Variants in RBFOX2 observed in about 807,000 individuals in gnomAD.
RBFOX2 encodes the protein RNA binding fox-1 homolog 2, also known as RNA binding protein fox-1 homolog 2.
In RBFOX2, 10 loss-of-function variants were observed where a neutral mutation model predicts 49.1. That is an observed-to-expected ratio of 0.20 (90% confidence interval 0.13 to 0.35). The LOEUF (loss-of-function observed/expected upper bound fraction) is 0.35. Ranked by LOEUF, RBFOX2 falls within the 10% of genes least tolerant of loss-of-function variation. The pLI is 1.00. For synonymous variants in RBFOX2, 183 were observed against 187.4 expected, an observed-to-expected ratio of 0.98 and a Z score of 0.19; for missense variants, 323 against 486.9, an observed-to-expected ratio of 0.66 and a Z score of 3.17.
chr22:35,959,370 CT>C (rs1332267521), intron 1 of RBFOX2, among the ~76,000 whole-genome samples: 2 of 152,142 alleles, frequency 1.3e-5, no homozygotes, highest in Non-Finnish European at 2.9e-5. Context: ...GCATTTACCC[CT>C]AGGCCAAGAA....
chr22:35,898,009 C>A, intron 1 of RBFOX2: 1 of 730,004 alleles, frequency 1.4e-6, no homozygotes, highest in Admixed American at 1.9e-5. Context: ...TTCCCAGTCT[C>A]GTCCAACAAG....
chr22:36,015,818 C>T (rs1454762755), intron 1 of RBFOX2, among the ~76,000 whole-genome samples: 1 of 152,064 alleles, frequency 6.6e-6, no homozygotes, highest in African/African-American at 2.4e-5. Context: ...TATTACTTAC[C>T]CTCCCAAGAA....
chr22:35,746,953 A>C (rs532475856), intron 9 of RBFOX2: 1 of 158,718 alleles, frequency 6.3e-6, no homozygotes, highest in African/African-American at 2.4e-5. Flanking sequence ...ATAAAGTTAA[A>C]ATATATGAAA....
chr22:36,028,800 G>A (rs2059548108), exon 1 of RBFOX2, among the ~76,000 whole-genome samples: 2 of 151,976 alleles, frequency 1.3e-5, no homozygotes, highest in African/African-American at 2.4e-5. Flanking sequence ...ACAGCACGCC[G>A]GCCGAGGGAG....
intron 1 of RBFOX2, among the ~76,000 whole-genome samples, chr22:35,891,923 C>T (rs9622298): frequency 0.1 from 15,575 of 151,756 alleles, 1,499 homozygotes; most frequent in African/African-American, 0.26. Flanking sequence ...CAAGGGCTCC[C>T]GAGCCACGAG....
rs146334239 is a variant in RBFOX2, at chr22:35,985,490, G to A, written c.186+42750C>T. On this transcript the variant is annotated intron_variant, in intron 1 of 13. Transcript: ENST00000438146. ...TAGCTCCTGCAGATTGTCAGATGTAGGAATGTGGGCCCCGTGCTGCCAAGT... is the reference window on the plus strand; with the variant it reads ...TAGCTCCTGCAGATTGTCAGATGTAAGAATGTGGGCCCCGTGCTGCCAAGT... Among the ~76,000 whole-genome samples, 112 of 152,290 alleles carry A rather than the reference G, an allele frequency of 7.4e-4. 1 individual carries two copies. The highest frequency in any genetic ancestry group is 3.4e-3 in the Middle Eastern group (1 of 292).
intron 6 of RBFOX2, 46 bp downstream of exon 7, chr22:35,765,377 T>A (rs764395834): frequency 3.0e-6 from 4 of 1,341,822 alleles, no homozygotes; most frequent in Non-Finnish European, 4.1e-6. Flanking sequence ...AAACTTCATA[T>A]ATTTACACAA....
intron 1 of RBFOX2, among the ~76,000 whole-genome samples, chr22:35,935,751 C>G (rs2052985415): frequency 6.6e-6 from 1 of 152,132 alleles, no homozygotes; most frequent in Non-Finnish European, 1.5e-5. Context: ...TTCTCCAGTA[C>G]AGAGAAAAGG....
chr22:35,746,541 T>C (rs1196923306), exon 10 of RBFOX2: 4 of 1,605,506 alleles, frequency 2.5e-6, no homozygotes, highest in Non-Finnish European at 3.4e-6. Flanking sequence ...GCTGTGCATA[T>C]CTGTAGGCTG....
At chr22:35,765,367 A>G in intron 6 of RBFOX2, 56 bp downstream of exon 7, 2 of 1,282,936 alleles carry the variant, frequency 1.6e-6, no homozygotes, top group South Asian at 1.4e-5. Flanking sequence ...AAGTTTATAA[A>G]AACTTCATAT....
chr22:35,895,824 T>C (rs1389680404), intron 1 of RBFOX2, among the ~76,000 whole-genome samples: 3 of 152,208 alleles, frequency 2.0e-5, no homozygotes, highest in Non-Finnish European at 2.9e-5. Flanking sequence ...TTCAGAGGTG[T>C]TGTAATGATA....
chr22:35,822,562 C>T (rs1231334715), intron 1 of RBFOX2, among the ~76,000 whole-genome samples: 1 of 152,126 alleles, frequency 6.6e-6, no homozygotes, highest in Non-Finnish European at 1.5e-5. Flanking sequence ...TGTGAATTTG[C>T]TTTCTGATTA....
At chr22:35,986,678 C>G (rs1273138391) in intron 1 of RBFOX2, among the ~76,000 whole-genome samples, 1 of 152,140 alleles carries the variant, frequency 6.6e-6, no homozygotes, top group Non-Finnish European at 1.5e-5. Context: ...ATGGAAAAGG[C>G]AAAAGAAAGA....
chr22:35,823,515 G>C (rs1001318469), intron 1 of RBFOX2, among the ~76,000 whole-genome samples: 2 of 152,080 alleles, frequency 1.3e-5, no homozygotes, highest in Non-Finnish European at 2.9e-5. Flanking sequence ...TGTTATTTCA[G>C]GGGAGTCTTG....
chr22:35,810,059 T>C, intron 1 of RBFOX2, 55 bp from the exon 3 acceptor site: 4 of 1,546,388 alleles, frequency 2.6e-6, no homozygotes, highest in Admixed American at 1.7e-5. Context: ...GTTACGTAAC[T>C]ATTTTTAAAG....
Position 35,759,628 on chromosome 22 carries a change from G to A in RBFOX2, c.887+260C>T, listed in dbSNP as rs774032616. Among the ~76,000 whole-genome samples, 14 of 152,126 alleles carry A rather than the reference G, an allele frequency of 9.2e-5. No individual in the cohort carries two copies. Among genetic ancestry groups the A allele is most frequent in the Admixed American group, 3.3e-4 (5 of 15,280 alleles). The stretch of plus-strand genomic sequence containing the variant: ...AACACACTGCTAGTAAACACAAGAC[G>A]GTTCTGGCTACTGTCTTAAGCCATT... On this transcript the variant is annotated intron_variant, in intron 9 of 11. Coordinates refer to ENST00000405409, the Ensembl canonical transcript of RBFOX2. The surrounding 1 kb of genome is among the most constrained non-coding windows in gnomAD (Gnocchi z 4.6).
chr22:36,005,351 C>A (rs2058580231), intron 1 of RBFOX2, among the ~76,000 whole-genome samples: 1 of 152,124 alleles, frequency 6.6e-6, no homozygotes, highest in African/African-American at 2.4e-5. Flanking sequence ...TGATAAATGA[C>A]CATACTGCAA....
chr22:35,957,375 A>G (rs1306258122), intron 1 of RBFOX2, among the ~76,000 whole-genome samples: 1 of 152,202 alleles, frequency 6.6e-6, no homozygotes, highest in Admixed American at 6.5e-5. Flanking sequence ...TGACTAGTAC[A>G]GGACCACAGA....
intron 2 of RBFOX2, among the ~76,000 whole-genome samples, chr22:35,808,478 A>G (rs566916180): frequency 6.6e-6 from 1 of 152,348 alleles, no homozygotes; most frequent in South Asian, 2.1e-4. Context: ...AACCAGATAT[A>G]GGAAAGAGAA....
Sources: gnomAD v4.1 joint callset for allele counts (sites outside exome capture counted in the v4.1 genomes callset) on GRCh38, gnomAD v4.1.1 for gene constraint, Gnocchi (gnomAD v3.1) non-coding constraint, MANE v1.5 for transcripts, NCBI Gene and HGNC (gene_info 2026-07-23, HGNC 2026-07-21) for gene names.